SRP72: variants seen among roughly 807,000 people sequenced by gnomAD.
SRP72 encodes the protein signal recognition particle 72, also known as signal recognition particle subunit SRP72.
SRP72 carries 49 observed loss-of-function variants against 96.3 expected under a neutral mutation model. The ratio of observed to expected loss-of-function variants is 0.51; its 90% CI spans 0.40 to 0.65. SRP72 has a LOEUF of 0.65. Ranked by LOEUF, SRP72 falls within the 30% of genes least tolerant of loss-of-function variation. The probability of loss-of-function intolerance (pLI) is 0.00; values close to 1 mark genes in which losing one functional copy is unlikely to be tolerated. For synonymous variants in SRP72, 267 were observed against 275.2 expected (o/e 0.97, Z 0.30); for missense variants, 736 against 793.3 (o/e 0.93, Z 0.87).
intron 2 of SRP72, among the ~76,000 whole-genome samples, chr4:56,470,807 G>C (rs905777892): frequency 6.7e-6 from 1 of 149,854 alleles, no homozygotes; most frequent in African/African-American, 2.5e-5. Context: ...AAAACATTTT[G>C]TCAATGAGTC....
At chr4:56,484,051 T>TTTTTTTTTTTTC (rs1560682047) in intron 9 of SRP72, among the ~76,000 whole-genome samples, 3 of 142,716 alleles carry the variant, frequency 2.1e-5, no homozygotes, top group African/African-American at 7.9e-5. Context: ...TTTTTTTTTT[T>TTTTTTTTTTTTC]GAGATGGAGT....
Position 56,490,313 on chromosome 4 carries a change from T to A in SRP72, c.1321-20T>A. The A allele has an allele frequency of 5.0e-6, 8 of 1,597,942 alleles. No individual in the cohort carries two copies. Among genetic ancestry groups the A allele is most frequent in the Non-Finnish European group, 6.8e-6 (8 of 1,173,174 alleles). On this transcript the variant is annotated intron_variant, in intron 13 of 18. Transcript: ENST00000642900. ...GATATTTAACTTGAAACTTTTTTTTTCTTTTTATTGAAACTGTAGCCAAAA... is the reference window on the plus strand; with the variant it reads ...GATATTTAACTTGAAACTTTTTTTTACTTTTTATTGAAACTGTAGCCAAAA...
chr4:56,495,013 CAT>C (rs1299755080), intron 16 of SRP72, among the ~76,000 whole-genome samples: 1 of 152,186 alleles, frequency 6.6e-6, no homozygotes, highest in Non-Finnish European at 1.5e-5. Flanking sequence ...TCTTGCCAAA[CAT>C]AGAGTAACTT....
At chr4:56,491,906 G>A (rs1720920934) in intron 16 of SRP72, among the ~76,000 whole-genome samples, 1 of 151,952 alleles carries the variant, frequency 6.6e-6, no homozygotes, top group Admixed American at 6.6e-5. Context: ...TGTCTCCCAG[G>A]CTGGAGTACA....
chr4:56,497,687 G>A (rs1408695957), intron 17 of SRP72, among the ~76,000 whole-genome samples: 1 of 151,846 alleles, frequency 6.6e-6, no homozygotes, highest in Non-Finnish European at 1.5e-5. Context: ...GTATCACCGA[G>A]AATATTCTGT....
chr4:56,480,570 C>G (rs1039665534), intron 8 of SRP72, among the ~76,000 whole-genome samples: 1 of 152,134 alleles, frequency 6.6e-6, no homozygotes, highest in Admixed American at 6.5e-5. Flanking sequence ...AGGACAAATT[C>G]TTTTTATCTG....
intron 6 of SRP72, among the ~76,000 whole-genome samples, chr4:56,478,128 GTTC>G (rs1209982918): frequency 6.9e-6 from 1 of 145,186 alleles, no homozygotes; most frequent in East Asian, 2.0e-4. Flanking sequence ...TTGTTACCAT[GTTC>G]TTCTAGGATC....
In SRP72 at chr4:56,501,908, A is replaced by G. The variant is rs772584675; in HGVS notation, c.*47A>G. The stretch of plus-strand genomic sequence containing the variant: ...CTGTTTTTAAACTAGTGTCAGTGAC[A>G]CTAGGAATATAATAAAGGTAACACA... On this transcript the variant is annotated 3_prime_UTR_variant, in exon 19 of 19. Transcript: ENST00000642900. 2 of 1,582,902 alleles carry G rather than the reference A, an allele frequency of 1.3e-6. No individual in the cohort carries two copies. The highest frequency in any genetic ancestry group is 4.5e-5 in the East Asian group (2 of 44,724).
At chr4:56,481,605 T>G (rs949580248) in intron 8 of SRP72, among the ~76,000 whole-genome samples, 4 of 150,660 alleles carry the variant, frequency 2.7e-5, no homozygotes, top group South Asian at 2.1e-4. Context: ...AAAAAAAAAA[T>G]GGGTTCAAAA....
At chr4:56,501,432 A>G (rs1490932086) in intron 18 of SRP72, among the ~76,000 whole-genome samples, 1 of 152,156 alleles carries the variant, frequency 6.6e-6, no homozygotes, top group African/African-American at 2.4e-5. Flanking sequence ...CTCTGTCTCA[A>G]AAAAATAAAA....
chr4:56,476,694 G>T lies in SRP72; in HGVS notation c.634G>T (p.Glu212Ter). Reference protein sequence around the residue: ...AEDLCRRSLSEDTDGTEEDPQ... With the variant: ...AEDLCRRSLS ...AGATCTTTGCCGCCGTTCATTATCAGAAGACACTGTAAGTATTCCATCATT... is the reference window on the plus strand; with the variant it reads ...AGATCTTTGCCGCCGTTCATTATCATAAGACACTGTAAGTATTCCATCATT... The change falls in exon 6 of 19, where the codon GAA becomes TAA. Residue 212 changes from glutamate (E) to a stop codon, truncating the protein, a stop_gained. Transcript: ENST00000642900. LOFTEE classifies it high-confidence loss of function. The T allele has an allele frequency of 6.2e-7, 1 of 1,612,542 alleles. No individual in the cohort carries two copies. Among genetic ancestry groups the T allele is most frequent in the Non-Finnish European group, 8.5e-7 (1 of 1,179,728 alleles).
rs940106109 is a variant in SRP72, at chr4:56,490,228, G to T, written c.1321-105G>T. ...GCATTCAGTGAAACTTAAGATGAGG[G>T]ATCTAATGCATAGGTGTATTTCTTA... On this transcript the variant is annotated intron_variant, in intron 13 of 18. Transcript: ENST00000642900. 6.2e-5 allele frequency: 49 copies of T among 789,626 alleles called. No individual in the cohort carries two copies. The African/African-American group carries it at 7.5e-4, about 12-fold the overall frequency. The allele number at this position is 789,626 out of a possible 1,614,324, so 48.9% of individuals were successfully genotyped here.
chr4:56,473,765 CAA>C (rs201143094), intron 3 of SRP72, among the ~76,000 whole-genome samples: 1 of 141,598 alleles, frequency 7.1e-6, no homozygotes. Context: ...AACTCCGTCT[CAA>C]AAAAAAAAGA....
intron 5 of SRP72, among the ~76,000 whole-genome samples, chr4:56,474,893 C>G (rs1720145881): frequency 6.6e-6 from 1 of 152,196 alleles, no homozygotes; most frequent in African/African-American, 2.4e-5. Flanking sequence ...CCATGTTGGC[C>G]AGGCTAGTCT....
At chr4:56,475,098 G>A (rs1488188469) in intron 5 of SRP72, among the ~76,000 whole-genome samples, 3 of 152,228 alleles carry the variant, frequency 2.0e-5, no homozygotes, top group East Asian at 1.9e-4. Flanking sequence ...TAAAAGTGAT[G>A]TAGGTACTGC....
chr4:56,495,949 C>T (rs867063343), intron 17 of SRP72, among the ~76,000 whole-genome samples: 4 of 152,148 alleles, frequency 2.6e-5, no homozygotes, highest in African/African-American at 7.2e-5. Flanking sequence ...CAGTCAGGGC[C>T]ACATACTTGT....
At chr4:56,475,974 C>T (rs927566655) in intron 5 of SRP72, 3 of 152,180 alleles carry the variant, frequency 2.0e-5, no homozygotes, top group Non-Finnish European at 2.9e-5. Context: ...TAATTACAGT[C>T]ACTACAACCA....
At position 56,500,608 on chromosome 4, in the gene SRP72, C is replaced by G. The variant is rs1578200544; in HGVS notation, c.1751C>G (p.Ser584Cys). Reference protein sequence around the residue: ...PERWLPMRERSYYRGRKKGKK... With the variant: ...PERWLPMRERCYYRGRKKGKK... ...AGATGGCTGCCAATGCGAGAACGTT[C>G]TTACTACCGGGGAAGAAAGAAGGGT... Residue 584 changes from serine (S) to cysteine (C), a missense_variant, in exon 18 of 19, where the codon TCT becomes TGT. Ser to Cys is a moderately radical substitution (Grantham distance 112). This residue lies in a region of SRP72 where 388 missense variants were observed against 431.8 expected (regional missense o/e 0.90). Transcript: ENST00000642900. 1 of 1,613,978 alleles carries G rather than the reference C, an allele frequency of 6.2e-7. No individual in the cohort carries two copies. The highest frequency in any genetic ancestry group is 1.7e-5 in the Admixed American group (1 of 59,996).
intron 6 of SRP72, among the ~76,000 whole-genome samples, chr4:56,477,331 A>T: frequency 1.1e-5 from 1 of 94,904 alleles, no homozygotes; most frequent in African/African-American, 4.4e-5. Flanking sequence ...TTGAGACAGG[A>T]TCTTGCTGTT....
Sources: allele counts gnomAD v4.1 joint callset (sites outside exome capture counted in the v4.1 genomes callset), GRCh38; gene constraint gnomAD v4.1.1; regional missense constraint gnomAD v4.1.1; transcripts MANE v1.5; gene names NCBI Gene and HGNC (gene_info 2026-07-23, HGNC 2026-07-21).